Variants in MLLT3 observed in about 807,000 individuals in gnomAD.
MLLT3 encodes protein AF-9.
MLLT3 carries 4 observed loss-of-function variants against 53.2 expected under a neutral mutation model. The observed-to-expected ratio is 0.08, with a 90% confidence interval of 0.04 to 0.17. MLLT3 has a LOEUF of 0.17. Ranked by LOEUF, MLLT3 falls within the 10% of genes least tolerant of loss-of-function variation. The probability of loss-of-function intolerance (pLI) is 1.00; values close to 1 mark genes in which losing one functional copy is unlikely to be tolerated. For synonymous variants in MLLT3, 283 were observed against 230.6 expected (o/e 1.23, Z -2.06); for missense variants, 569 against 684.0 (o/e 0.83, Z 1.87).
chr9:20,507,454 A>G (rs940588557), intron 2 of MLLT3, among the ~76,000 whole-genome samples: 1 of 152,112 alleles, frequency 6.6e-6, no homozygotes, highest in African/African-American at 2.4e-5. Flanking sequence ...ACCCTACAAA[A>G]ACGTATTCAT....
chr9:20,475,183 G>C (rs1426254075), intron 2 of MLLT3, among the ~76,000 whole-genome samples: 2 of 151,944 alleles, frequency 1.3e-5, no homozygotes, highest in African/African-American at 4.8e-5. Flanking sequence ...ATTTGTGATG[G>C]GATGGCAGCT....
intron 2 of MLLT3, among the ~76,000 whole-genome samples, chr9:20,530,105 T>C (rs1276441280): frequency 6.6e-6 from 1 of 152,226 alleles, no homozygotes; most frequent in Non-Finnish European, 1.5e-5. Context: ...CAGTTGGGCA[T>C]AAATGTTAAT....
chr9:20,449,443 C>A (rs1823788133), intron 3 of MLLT3, among the ~76,000 whole-genome samples: 1 of 152,160 alleles, frequency 6.6e-6, no homozygotes, highest in Admixed American at 6.5e-5. Context: ...GAACATTTAT[C>A]CCTCTCTACA....
At chr9:20,386,634 C>T (rs1004249014) in intron 5 of MLLT3, among the ~76,000 whole-genome samples, 2 of 152,278 alleles carry the variant, frequency 1.3e-5, no homozygotes, top group African/African-American at 2.4e-5. Context: ...ATGCCCCAAA[C>T]TCCTATTCTA....
At chr9:20,608,527 T>A (rs1820624821) in intron 2 of MLLT3, among the ~76,000 whole-genome samples, 1 of 152,012 alleles carries the variant, frequency 6.6e-6, no homozygotes, top group Middle Eastern at 3.4e-3. Context: ...ATAACTTCAA[T>A]ACAAAATGTT....
chr9:20,346,995 TAC>T (rs148280802), intron 10 of MLLT3, among the ~76,000 whole-genome samples: 5,615 of 142,666 alleles, frequency 0.039, 127 homozygotes, highest in Non-Finnish European at 0.044. Context: ...TACAAACACA[TAC>T]ACACACACAC....
Position 20,443,263 on chromosome 9 carries a change from A to G in MLLT3, c.420+4860T>C, listed in dbSNP as rs376992143. Reference sequence around the variant, plus strand: ...CCAAAAAAAGAAAAAAGAAACTGCAAAATAAACTTGATTTTCCAAAGATGC... The same window carrying G: ...CCAAAAAAAGAAAAAAGAAACTGCAGAATAAACTTGATTTTCCAAAGATGC... On this transcript the variant is annotated intron_variant, in intron 4 of 10. Transcript: ENST00000380338. Among the ~76,000 whole-genome samples the G allele has an allele frequency of 8.5e-5, 13 of 152,302 alleles. 1 individual carries two copies. The highest frequency in any genetic ancestry group is 5.9e-4 in the Admixed American group (9 of 15,298).
chr9:20,594,240 C>A (rs1820196532), intron 2 of MLLT3, among the ~76,000 whole-genome samples: 1 of 152,096 alleles, frequency 6.6e-6, no homozygotes, highest in Admixed American at 6.6e-5. Context: ...CGTGCCCAAC[C>A]AATGTTCTCT....
At chr9:20,501,477 C>T (rs892506386) in intron 2 of MLLT3, among the ~76,000 whole-genome samples, 2 of 152,126 alleles carry the variant, frequency 1.3e-5, no homozygotes, top group Admixed American at 1.3e-4. Flanking sequence ...CCCGGCCGGG[C>T]ACGGTGGCTC....
chr9:20,519,823 T>C (rs948516936), intron 2 of MLLT3, among the ~76,000 whole-genome samples: 1 of 152,190 alleles, frequency 6.6e-6, no homozygotes, highest in East Asian at 1.9e-4. Context: ...GAATTACCAT[T>C]TGACCCAGCA....
At chr9:20,358,596 T>C (rs928311198) in intron 8 of MLLT3, among the ~76,000 whole-genome samples, 14 of 152,192 alleles carry the variant, frequency 9.2e-5, no homozygotes, top group Admixed American at 6.5e-5. Flanking sequence ...CCAAGGTCTG[T>C]TCAAGACTGC....
chr9:20,444,323 G>C (rs543830776), intron 4 of MLLT3, among the ~76,000 whole-genome samples: 2 of 152,214 alleles, frequency 1.3e-5, no homozygotes, highest in East Asian at 3.9e-4. Context: ...ATAGGGAGGT[G>C]CTTCTCCACA....
intron 8 of MLLT3, among the ~76,000 whole-genome samples, chr9:20,359,376 G>T (rs1821261153): frequency 6.6e-6 from 1 of 152,054 alleles, no homozygotes; most frequent in Non-Finnish European, 1.5e-5. Flanking sequence ...AAGACGGCTG[G>T]GCCATGAGCA....
intron 8 of MLLT3, among the ~76,000 whole-genome samples, chr9:20,359,707 G>A (rs898920445): frequency 1.8e-4 from 28 of 152,122 alleles, no homozygotes; most frequent in Admixed American, 2.6e-4. Context: ...CAAAGACCAC[G>A]GATTTAAGGG....
At chr9:20,493,735 C>G (rs1270605415) in intron 2 of MLLT3, among the ~76,000 whole-genome samples, 4 of 151,960 alleles carry the variant, frequency 2.6e-5, no homozygotes, top group Admixed American at 6.6e-5. Context: ...GTTAAAGAAA[C>G]TATGAAAAAT....
At chr9:20,564,286 C>G (rs921203390) in intron 2 of MLLT3, among the ~76,000 whole-genome samples, 4 of 151,976 alleles carry the variant, frequency 2.6e-5, no homozygotes, top group African/African-American at 9.7e-5. Flanking sequence ...AGCAGGGTGT[C>G]AGAAAAGTTT....
intron 4 of MLLT3, among the ~76,000 whole-genome samples, chr9:20,440,168 T>G (rs1323107280): frequency 6.6e-6 from 1 of 152,206 alleles, no homozygotes; most frequent in African/African-American, 2.4e-5. Flanking sequence ...ATTATGCTTA[T>G]TTTAGATTTA....
intron 2 of MLLT3, among the ~76,000 whole-genome samples, chr9:20,509,868 TA>T (rs60679076): frequency 0.24 from 35,377 of 147,386 alleles, 4,887 homozygotes; most frequent in African/African-American, 0.39. Context: ...AGGGTACAAT[TA>T]TTATTTTTTT....
intron 3 of MLLT3, among the ~76,000 whole-genome samples, chr9:20,452,452 C>T (rs1823863310): frequency 6.6e-6 from 1 of 152,140 alleles, no homozygotes; most frequent in African/African-American, 2.4e-5. Flanking sequence ...TTGAGGCCTT[C>T]CCAGCCATGC....
Sources: gnomAD v4.1 joint callset for allele counts (sites outside exome capture counted in the v4.1 genomes callset) on GRCh38, gnomAD v4.1.1 for gene constraint, MANE v1.5 for transcripts, NCBI Gene and HGNC (gene_info 2026-07-23, HGNC 2026-07-21) for gene names.